RPRD2: variants seen among roughly 807,000 people sequenced by gnomAD.
RPRD2 encodes regulation of nuclear pre-mRNA domain containing 2, also known as regulation of nuclear pre-mRNA domain-containing protein 2.
A neutral mutation model predicts 104.4 loss-of-function variants in RPRD2; 12 were observed. That is an observed-to-expected ratio of 0.11 (90% confidence interval 0.07 to 0.19). The LOEUF (loss-of-function observed/expected upper bound fraction) is 0.19. Ranked by LOEUF, RPRD2 falls within the 10% of genes least tolerant of loss-of-function variation. The pLI is 1.00. For synonymous variants in RPRD2, 714 were observed against 684.9 expected, an observed-to-expected ratio of 1.04 and a Z score of -0.66; for missense variants, 1,543 against 1,790.1, an observed-to-expected ratio of 0.86 and a Z score of 2.49.
At chr1:150,388,368 G>GTGTATACGTA (rs1560159282) in intron 1 of RPRD2, among the ~76,000 whole-genome samples, 8 of 117,748 alleles carry the variant, frequency 6.8e-5, no homozygotes, top group Non-Finnish European at 9.4e-5. Flanking sequence ...ATATATACAT[G>GTGTATACGTA]TATACACATA....
chr1:150,424,466 T>C (rs1664976614), intron 2 of RPRD2, among the ~76,000 whole-genome samples: 1 of 152,074 alleles, frequency 6.6e-6, no homozygotes, highest in African/African-American at 2.4e-5. Flanking sequence ...TTTTGTATTT[T>C]TAGTAGAGAC....
intron 1 of RPRD2, among the ~76,000 whole-genome samples, chr1:150,400,538 A>C (rs1662897687): frequency 6.6e-6 from 1 of 152,136 alleles, no homozygotes; most frequent in Non-Finnish European, 1.5e-5. Context: ...AATAGAGTTT[A>C]TGCTCCTATG....
At chr1:150,408,896 T>C (rs587678427) in intron 1 of RPRD2, 19 of 152,340 alleles carry the variant, frequency 1.2e-4, no homozygotes, top group African/African-American at 3.8e-4. Context: ...TGAAAATGAA[T>C]CTTTTTCAGG....
intron 4 of RPRD2, among the ~76,000 whole-genome samples, 168 bp downstream of exon 4, chr1:150,442,126 T>TAA (rs59941019): frequency 0.14 from 18,179 of 126,250 alleles, 1,915 homozygotes; most frequent in African/African-American, 0.32. Flanking sequence ...GAGATACTTC[T>TAA]AAAAAAAAAA....
intron 1 of RPRD2, among the ~76,000 whole-genome samples, chr1:150,368,351 G>A (rs1279672210): frequency 6.6e-6 from 1 of 150,928 alleles, no homozygotes; most frequent in Non-Finnish European, 1.5e-5. Flanking sequence ...GGAGTGCGGT[G>A]GCGTGATCTC....
At position 150,429,017 on chromosome 1, in the gene RPRD2, A is replaced by G. The variant is rs1665369367; in HGVS notation, c.335+11292A>G. Among the ~76,000 whole-genome samples, 3 of 152,188 alleles carry G rather than the reference A, an allele frequency of 2.0e-5. No individual in the cohort carries two copies. In the South Asian group the frequency reaches 6.2e-4, roughly 32 times the overall value. ...TTTTAACTTAAAAATCAAAGAAGAA[A>G]AGGTTATGTAACTAAGCATGTTACA... On this transcript the variant is annotated intron_variant, in intron 2 of 10. Transcript: ENST00000369068.
rs185485968 is a variant in RPRD2 at position 150,410,493 on chromosome 1, C to T, written c.206-7103C>T. Among the ~76,000 whole-genome samples, 6 of 152,158 alleles carry T rather than the reference C, an allele frequency of 3.9e-5. No individual in the cohort carries two copies. In the East Asian group the frequency reaches 7.8e-4, roughly 20 times the overall value. On this transcript the variant is annotated intron_variant, in intron 1 of 10. Coordinates refer to ENST00000369068, the MANE Select transcript of RPRD2 (RefSeq NM_015203.5). ...TTGGAGTCTGTATATGTTTTTTAAA[C>T]TTGTTATTTTTGAATAATTTCAGAT...
chr1:150,475,301 T>A lies in RPRD2; in HGVS notation c.*1967T>A, dbSNP rs1668838898. 6.6e-6 allele frequency: 1 copy of A among 152,144 alleles called. No individual in the cohort carries two copies. The highest frequency in any genetic ancestry group is 1.9e-4 in the East Asian group (1 of 5,206). The allele number at this position is 152,144 out of a possible 1,614,324, so 9.4% of individuals were successfully genotyped here. On this transcript the variant is annotated 3_prime_UTR_variant, in exon 11 of 11. Transcript: ENST00000369068. ...GACTTTCAAAATTGAAATAGGTTTT[T>A]TTTTTGCAGAAATTAAATGGGATGT...
At chr1:150,403,252 T>A (rs1663198035) in intron 1 of RPRD2, among the ~76,000 whole-genome samples, 2 of 152,212 alleles carry the variant, frequency 1.3e-5, no homozygotes, top group South Asian at 2.1e-4. Context: ...TCAGTTTTTT[T>A]AAACTGTGGT....
Position 150,471,100 on chromosome 1 carries a change from GACA to G in RPRD2, c.2156_2158del (p.Asn719del), listed in dbSNP as rs1560230376. On this transcript the variant is annotated inframe_deletion, in exon 11 of 11. Coordinates refer to ENST00000369068, the MANE Select transcript of RPRD2 (RefSeq NM_015203.5). The surrounding 1 kb of genome is among the most constrained non-coding windows in gnomAD (Gnocchi z 5.3). ...GCGTGGCCCTACTAGCACCTCAATC[GACA>G]ACATTGATGGAACCCCTGTACGGGA... 3 of 1,613,692 alleles carry G rather than the reference GACA, an allele frequency of 1.9e-6. No homozygotes were observed. Among genetic ancestry groups the G allele is most frequent in the Non-Finnish European group, 2.5e-6 (3 of 1,179,884 alleles).
chr1:150,466,778 A>C (rs1410972908), intron 10 of RPRD2, among the ~76,000 whole-genome samples: 1 of 151,608 alleles, frequency 6.6e-6, no homozygotes, highest in Non-Finnish European at 1.5e-5. Context: ...AATCTTTCCT[A>C]CTCTCTACTC....
Position 150,446,206 on chromosome 1 carries a change from T to C in RPRD2, c.695-20T>C. On this transcript the variant is annotated intron_variant, in intron 6 of 10. Coordinates refer to ENST00000369068, the MANE Select transcript of RPRD2 (RefSeq NM_015203.5). ...ATTTTTTATTTTATCCTGAAATGAA[T>C]ATTTCCCATGTCATTTTAGATAAAA... 6.7e-7 allele frequency: 1 copy of C among 1,497,972 alleles called. No individual in the cohort carries two copies. Among genetic ancestry groups the C allele is most frequent in the Non-Finnish European group, 8.9e-7 (1 of 1,120,886 alleles). 92.8% of individuals were successfully genotyped at this position (1,497,972 alleles called of 1,614,324 possible).
At chr1:150,399,204 A>G (rs1034725456) in intron 1 of RPRD2, among the ~76,000 whole-genome samples, 3 of 152,004 alleles carry the variant, frequency 2.0e-5, no homozygotes, top group Middle Eastern at 3.4e-3. Flanking sequence ...AGGTCTTCCT[A>G]TGTTGCCTAG....
chr1:150,400,333 T>A (rs1187806377), intron 1 of RPRD2, among the ~76,000 whole-genome samples: 2 of 152,220 alleles, frequency 1.3e-5, no homozygotes, highest in African/African-American at 4.8e-5. Flanking sequence ...TCTTCCTTTC[T>A]AATCTATATA....
At chr1:150,380,715 C>T (rs1301867096) in intron 1 of RPRD2, among the ~76,000 whole-genome samples, 2 of 151,592 alleles carry the variant, frequency 1.3e-5, no homozygotes, top group Admixed American at 6.6e-5. Flanking sequence ...AGTGCAATGG[C>T]GTGCTGTCGG....
At chr1:150,400,414 A>C (rs1662881009) in intron 1 of RPRD2, among the ~76,000 whole-genome samples, 1 of 152,152 alleles carries the variant, frequency 6.6e-6, no homozygotes, top group Admixed American at 6.6e-5. Context: ...GCAGTTCCCA[A>C]CTGGAAGAGA....
At chr1:150,419,691 G>A (rs1332126386) in intron 2 of RPRD2, among the ~76,000 whole-genome samples, 2 of 152,006 alleles carry the variant, frequency 1.3e-5, no homozygotes, top group Non-Finnish European at 2.9e-5. Flanking sequence ...GCACAATCTC[G>A]GCTTACCGCA....
intron 2 of RPRD2, among the ~76,000 whole-genome samples, chr1:150,438,757 A>G (rs904438375): frequency 5.9e-5 from 9 of 152,164 alleles, no homozygotes; most frequent in Admixed American, 3.9e-4. Flanking sequence ...TGTGTAGCCT[A>G]TTGCTCTTTG....
chr1:150,460,583 A>G (rs902977909), intron 9 of RPRD2, among the ~76,000 whole-genome samples: 1 of 151,860 alleles, frequency 6.6e-6, no homozygotes, highest in Non-Finnish European at 1.5e-5. Flanking sequence ...TTGTATTTTT[A>G]GTAGAGATGG....
Sources: gnomAD v4.1 joint callset for allele counts (sites outside exome capture counted in the v4.1 genomes callset) on GRCh38, gnomAD v4.1.1 for gene constraint, Gnocchi (gnomAD v3.1) non-coding constraint, MANE v1.5 for transcripts, NCBI Gene and HGNC (gene_info 2026-07-23, HGNC 2026-07-21) for gene names.